Variants in NRDE2 observed in about 807,000 individuals in gnomAD.
The protein encoded by NRDE2 is NRDE-2, necessary for RNA interference, domain containing.
Under a neutral mutation model 124.2 loss-of-function variants are expected in NRDE2, and 76 were observed. The ratio of observed to expected loss-of-function variants is 0.61; its 90% CI spans 0.51 to 0.74. The LOEUF (loss-of-function observed/expected upper bound fraction) is 0.74, where lower values mean the gene tolerates loss of function less well. NRDE2 is among the 30% of genes least tolerant of loss of function. The probability of loss-of-function intolerance (pLI) is 0.00; values close to 1 mark genes in which losing one functional copy is unlikely to be tolerated. For missense variants in NRDE2, 1,314 were observed against 1,417.3 expected (o/e 0.93, Z 1.17); for synonymous variants, 489 against 528.1 (o/e 0.93, Z 1.01).
chr14:90,289,161 G>A lies in NRDE2; in HGVS notation c.2230-16C>T. 1.3e-6 allele frequency: 2 copies of A among 1,576,972 alleles called. No homozygotes were observed. Among genetic ancestry groups the A allele is most frequent in the African/African-American group, 2.7e-5 (2 of 73,586 alleles). ...ACCAAATGACCTACAGGGAAAAAGA[G>A]AAGAATGACTGCAGGTGCTCTGTAA... On this transcript the variant is annotated splice_polypyrimidine_tract_variant and intron_variant, in intron 10 of 13. Coordinates refer to ENST00000354366, the MANE Select transcript of NRDE2 (RefSeq NM_017970.4).
intron 5 of NRDE2, 97 bp from the exon 6 acceptor site, chr14:90,303,222 T>C (rs1884470448): frequency 8.7e-7 from 1 of 1,145,404 alleles, no homozygotes; most frequent in African/African-American, 1.6e-5. Context: ...CCCTAGGGAC[T>C]TTCTTAAACC....
Position 90,288,656 on chromosome 14 carries a change from C to T in NRDE2, c.2719G>A (p.Ala907Thr), listed in dbSNP as rs149880900. 3 of 1,614,032 alleles carry T rather than the reference C, an allele frequency of 1.9e-6. No individual in the cohort carries two copies. In the African/African-American group the frequency reaches 4.0e-5, roughly 22 times the overall value. The change falls in exon 11 of 14, where the codon GCT becomes ACT. Residue 907 changes from alanine to threonine, a missense_variant. By Grantham distance (58) the Ala-to-Thr change is moderately conservative (BLOSUM62 0). Transcript: ENST00000354366. ...TDSCSRLISL[A>T]KCFMLFQYLT... ...TACTGGAAGAGCATGAAGCATTTAGCCAGGCTAATTAGGCGGCTACAGGAA... is the reference window on the plus strand; with the variant it reads ...TACTGGAAGAGCATGAAGCATTTAGTCAGGCTAATTAGGCGGCTACAGGAA...
At chr14:90,299,135 TC>T (rs1347239997) in intron 7 of NRDE2, among the ~76,000 whole-genome samples, 1 of 151,990 alleles carries the variant, frequency 6.6e-6, no homozygotes, top group Non-Finnish European at 1.5e-5. Flanking sequence ...AACCTCCACC[TC>T]CCCGGGCTCA....
At position 90,318,055 on chromosome 14, in the gene NRDE2, T is replaced by C. The variant is rs1426677851; in HGVS notation, c.123A>G (p.Gln41=). Residue 41 remains glutamine (Q), a synonymous_variant, in exon 2 of 14, where the codon CAA becomes CAG. Coordinates refer to ENST00000354366, the MANE Select transcript of NRDE2 (RefSeq NM_017970.4). ...CATGGGCTGGAGCTGCTTCAGTTTG[T>C]TGGCTCAGGGACGTTATGGATCCAA... is the stretch of plus-strand genomic sequence containing the variant. ...FCVGSITSLS[Q]QTEAAPAHVS... is the part of the protein sequence containing the mutation. 6.2e-7 allele frequency: 1 copy of C among 1,614,102 alleles called. No homozygotes were observed. Among genetic ancestry groups the C allele is most frequent in the Non-Finnish European group, 8.5e-7 (1 of 1,180,038 alleles).
In NRDE2 at chr14:90,331,833, G is replaced by C. The variant is rs1400931390; in HGVS notation, c.64+8C>G. On this transcript the variant is annotated splice_region_variant and intron_variant, in intron 1 of 13. Coordinates refer to ENST00000354366, the MANE Select transcript of NRDE2 (RefSeq NM_017970.4). The stretch of plus-strand genomic sequence containing the variant: ...CAGGTGCCTTCTTCGGCTCGTTTGT[G>C]TGCTTACCTTTCCTGGAGCTCCCGC... 6.2e-7 allele frequency: 1 copy of C among 1,613,942 alleles called. No individual in the cohort carries two copies. Among genetic ancestry groups the C allele is most frequent in the Non-Finnish European group, 8.5e-7 (1 of 1,180,020 alleles).
At position 90,312,430 on chromosome 14, in the gene NRDE2, C is replaced by T. The variant is rs766709338; in HGVS notation, c.521G>A (p.Trp174Ter). 2 of 1,614,050 alleles carry T rather than the reference C, an allele frequency of 1.2e-6. No homozygotes were observed. Among genetic ancestry groups the T allele is most frequent in the South Asian group, 1.1e-5 (1 of 91,074 alleles). Residue 174 changes from tryptophan (W) to a stop codon, truncating the protein, a stop_gained, in exon 4 of 14, where the codon TGG (tryptophan) becomes TAG (stop). Coordinates refer to ENST00000354366, the MANE Select transcript of NRDE2 (RefSeq NM_017970.4). LOFTEE classifies it high-confidence loss of function. ...CCCTCGGTAGAGAGACTTGTACTCC[C>T]AGTTCGCAGGATCTGGTTTCTTATC... The part of the protein sequence containing the change: ...RTDKKPDPAN[W>*]EYKSLYRGDI...
intron 11 of NRDE2, among the ~76,000 whole-genome samples, chr14:90,287,158 A>T (rs1393056983): frequency 6.6e-6 from 1 of 152,112 alleles, no homozygotes; most frequent in Non-Finnish European, 1.5e-5. Flanking sequence ...CAAGGCTCAC[A>T]TAGAGTGAAC....
intron 12 of NRDE2, among the ~76,000 whole-genome samples, chr14:90,283,260 AAG>A (rs1350605312): frequency 6.6e-6 from 1 of 152,168 alleles, no homozygotes; most frequent in Non-Finnish European, 1.5e-5. Flanking sequence ...CCTTTCCAAA[AAG>A]AGAGAAATTC....
chr14:90,329,877 C>T (rs1885601129), intron 1 of NRDE2, among the ~76,000 whole-genome samples: 1 of 149,390 alleles, frequency 6.7e-6, no homozygotes, highest in African/African-American at 2.5e-5. Context: ...AATATTAGTT[C>T]CTACATAAAG....
chr14:90,275,155 T>C lies in NRDE2; in HGVS notation c.*3181A>G, dbSNP rs190093397. ...AGAACACTTCAAAAGTATCCACGTCTTGGAAGTCAAAAAGCTTCCAATCAG... is the reference window on the plus strand; with the variant it reads ...AGAACACTTCAAAAGTATCCACGTCCTGGAAGTCAAAAAGCTTCCAATCAG... On this transcript the variant is annotated 3_prime_UTR_variant, in exon 14 of 14. Coordinates refer to ENST00000354366, the MANE Select transcript of NRDE2 (RefSeq NM_017970.4). 1 of 152,286 alleles carries C rather than the reference T, an allele frequency of 6.6e-6. No homozygotes were observed. The highest frequency in any genetic ancestry group is 6.5e-5 in the Admixed American group (1 of 15,294). 9.4% of individuals were successfully genotyped at this position (152,286 alleles called of 1,614,324 possible). A position where few individuals can be genotyped will look rare whatever the true frequency, so the allele number is the denominator to read the frequency against.
chr14:90,268,447 G>C lies in NRDE2; in HGVS notation c.*9889C>G. The stretch of plus-strand genomic sequence containing the variant: ...TCTCATACTTATTTTGCCTTGTTTA[G>C]TAGGGAACACCGCATAGCTCTTCTC... On this transcript the variant is annotated 3_prime_UTR_variant, in exon 14 of 14. Coordinates refer to ENST00000354366, the MANE Select transcript of NRDE2 (RefSeq NM_017970.4). 1 of 1,600,448 alleles carries C rather than the reference G, an allele frequency of 6.2e-7. No homozygotes were observed. Among genetic ancestry groups the C allele is most frequent in the Non-Finnish European group, 8.6e-7 (1 of 1,168,368 alleles).
intron 1 of NRDE2, among the ~76,000 whole-genome samples, chr14:90,327,559 A>G (rs1314868818): frequency 1.6e-5 from 2 of 128,832 alleles, no homozygotes; most frequent in African/African-American, 4.1e-5. Flanking sequence ...TAAAAAAAGA[A>G]AAAAAAAAAA....
chr14:90,302,051 G>C (rs960981399), intron 6 of NRDE2, among the ~76,000 whole-genome samples: 1 of 152,310 alleles, frequency 6.6e-6, no homozygotes, highest in African/African-American at 2.4e-5. Context: ...GCCGGACACT[G>C]AGCTAGACTC....
intron 1 of NRDE2, among the ~76,000 whole-genome samples, chr14:90,328,675 C>T (rs760525707): frequency 2.6e-5 from 4 of 152,126 alleles, no homozygotes; most frequent in Non-Finnish European, 5.9e-5. Context: ...GTACTTTCAA[C>T]AAAAAGATTA....
chr14:90,309,289 G>A (rs377233683), intron 4 of NRDE2, among the ~76,000 whole-genome samples: 106 of 151,266 alleles, frequency 7.0e-4, no homozygotes, highest in South Asian at 4.8e-3. Flanking sequence ...ATAAATTTGG[G>A]CGAATTTTAG....
intron 1 of NRDE2, among the ~76,000 whole-genome samples, chr14:90,321,352 A>C (rs1462932530): frequency 6.6e-6 from 1 of 151,964 alleles, no homozygotes; most frequent in Non-Finnish European, 1.5e-5. Context: ...TAGGCGTGCC[A>C]CCACTGTGCC....
intron 9 of NRDE2, among the ~76,000 whole-genome samples, chr14:90,292,232 A>C (rs1892289823): frequency 6.6e-6 from 1 of 152,228 alleles, no homozygotes; most frequent in South Asian, 2.1e-4. Context: ...CCCTACGGCC[A>C]GTCCCTCTTG....
rs76153767 is a variant in NRDE2 at position 90,325,338 on chromosome 14, C to T, written c.64+6503G>A. Among the ~76,000 whole-genome samples the T allele has an allele frequency of 7.2e-3, 1,094 of 152,222 alleles. 21 individuals are homozygous for T. Among genetic ancestry groups the T allele is most frequent in the African/African-American group, 0.025 (1,057 of 41,530 alleles). ...CCAAGCAACAATGTTCTAGGGTACA[C>T]GATCCTAGTCAACAATCTGAGGGTA... On this transcript the variant is annotated intron_variant, in intron 1 of 13. Transcript: ENST00000354366.
intron 1 of NRDE2, among the ~76,000 whole-genome samples, 198 bp from the exon 2 acceptor site, chr14:90,318,311 T>C (rs1396739409): frequency 6.6e-6 from 1 of 152,172 alleles, no homozygotes; most frequent in Admixed American, 6.5e-5. Context: ...TTTAATACCC[T>C]CTAAAATATT....
Sources: gnomAD v4.1 joint callset for allele counts (sites outside exome capture counted in the v4.1 genomes callset) on GRCh38, gnomAD v4.1.1 for gene constraint, MANE v1.5 for transcripts, NCBI Gene and HGNC (gene_info 2026-07-23, HGNC 2026-07-21) for gene names.